The following TPP2 variants were observed in gnomAD, a reference collection of about 807,000 sequenced individuals.
TPP2 encodes the protein tripeptidyl-peptidase 2.
TPP2 carries 34 observed loss-of-function variants against 155.9 expected under a neutral mutation model. The observed-to-expected ratio is 0.22, with a 90% CI of 0.17 to 0.29. TPP2 has a LOEUF of 0.29. TPP2 is among the 10% of genes least tolerant of loss of function. The pLI is 1.00. For synonymous variants in TPP2, 510 were observed against 529.4 expected, an observed-to-expected ratio of 0.96 and a Z score of 0.50; for missense variants, 1,028 against 1,522.3, an observed-to-expected ratio of 0.68 and a Z score of 5.40.
At chr13:102,609,392 C>CTTTTTTTT (rs34845674) in intron 2 of TPP2, among the ~76,000 whole-genome samples, 7 of 79,832 alleles carry the variant, frequency 8.8e-5, no homozygotes, top group Admixed American at 1.5e-4. Context: ...AAGTGCCATG[C>CTTTTTTTT]TTTTTTTTTT....
chr13:102,636,267 C>T lies in TPP2; in HGVS notation c.1553C>T (p.Ala518Val). 1 of 1,613,582 alleles carries T rather than the reference C, an allele frequency of 6.2e-7. No homozygotes were observed. Among genetic ancestry groups the T allele is most frequent in the Non-Finnish European group, 8.5e-7 (1 of 1,179,814 alleles). Residue 518 changes from alanine to valine, a missense_variant, in exon 13 of 30, where the codon GCT becomes GTT. Ala to Val is a moderately conservative substitution (Grantham distance 64). Coordinates refer to ENST00000376052, the MANE Select transcript of TPP2 (RefSeq NM_001330588.2). ...YDYLVQNTSF[A>V]NKLGFTVTVG... ...TACCTCGTTCAGAATACATCATTTG[C>T]TAATAAATTAGGTTTTACTGTTACT...
rs562933507 is a variant in TPP2 at position 102,608,649 on chromosome 13, T to C, written c.294+3728T>C. The stretch of plus-strand genomic sequence containing the variant: ...TCACTGGGAGCATATTTTTGTATCA[T>C]GTATGCAACATTTTATCTCTGAGAT... On this transcript the variant is annotated intron_variant, in intron 2 of 29. Transcript: ENST00000376052. Among the ~76,000 whole-genome samples the C allele has an allele frequency of 1.6e-4, 24 of 152,282 alleles. No individual in the cohort carries two copies. The South Asian group carries it at 3.7e-3, about 24-fold the overall frequency.
intron 1 of TPP2, among the ~76,000 whole-genome samples, chr13:102,599,137 G>A (rs1260916555): frequency 1.3e-5 from 2 of 152,036 alleles, no homozygotes; most frequent in East Asian, 1.9e-4. Flanking sequence ...TGTTGTTCCC[G>A]TCTTTGTGTC....
intron 2 of TPP2, among the ~76,000 whole-genome samples, chr13:102,612,332 A>G (rs761498194): frequency 2.6e-5 from 4 of 152,176 alleles, no homozygotes; most frequent in Non-Finnish European, 5.9e-5. Flanking sequence ...CCGTTAAGAA[A>G]AATGTTTGAT....
intron 5 of TPP2, among the ~76,000 whole-genome samples, chr13:102,619,065 A>T (rs1880957190): frequency 6.6e-6 from 1 of 152,236 alleles, no homozygotes; most frequent in Non-Finnish European, 1.5e-5. Context: ...TCTGATTTAA[A>T]TAAACTTACT....
At chr13:102,609,600 T>C (rs962476456) in intron 2 of TPP2, among the ~76,000 whole-genome samples, 1 of 152,000 alleles carries the variant, frequency 6.6e-6, no homozygotes, top group Admixed American at 6.6e-5. Context: ...TTTCACCATG[T>C]TGGCCAAGCT....
rs769126870 is a variant in TPP2 at position 102,676,349 on chromosome 13, C to T, written c.3633C>T (p.Gly1211=). 3 of 1,610,242 alleles carry T rather than the reference C, an allele frequency of 1.9e-6. No individual in the cohort carries two copies. The highest frequency in any genetic ancestry group is 2.2e-5 in the South Asian group (2 of 90,934). Residue 1211 remains glycine (G), a synonymous_variant, in exon 29 of 30, where the codon GGC becomes GGT. Transcript: ENST00000376052. The stretch of plus-strand genomic sequence containing the variant: ...TAGTAAATAAAATGTATGGGAGAGG[C>T]CTTAAATTTGCAACTAAACTTGTGG... The part of the protein sequence containing the change: ...HALVNKMYGR[G]LKFATKLVEE...
In TPP2 at chr13:102,663,691, C is replaced by T. The variant is rs1884403859; in HGVS notation, c.3187C>T (p.Pro1063Ser). ...DIYNELKETY[P>S]NYLPLYVARL... ...TTATAACGAATTGAAAGAAACATAT[C>T]CTAATTATCTTCCTCTGTACGTTGC... The change falls in exon 26 of 30, where the codon CCT becomes TCT. Residue 1063 changes from proline to serine, a missense_variant. Transcript: ENST00000376052. The T allele has an allele frequency of 6.2e-7, 1 of 1,608,526 alleles. No individual in the cohort carries two copies. Among genetic ancestry groups the T allele is most frequent in the Non-Finnish European group, 8.5e-7 (1 of 1,178,078 alleles).
intron 2 of TPP2, among the ~76,000 whole-genome samples, chr13:102,607,382 A>G (rs1364711220): frequency 2.0e-5 from 3 of 152,200 alleles, no homozygotes; most frequent in African/African-American, 7.2e-5. Context: ...TCAATGGAGC[A>G]TTTCAGATTT....
chr13:102,663,600 C>T (rs1254324244), intron 25 of TPP2, 48 bp from the exon 26 acceptor site: 2 of 1,354,992 alleles, frequency 1.5e-6, no homozygotes, highest in Non-Finnish European at 2.0e-6. Flanking sequence ...GACAAATAGT[C>T]TTTTTAAAAG....
At chr13:102,603,493 A>G (rs1281594291) in intron 1 of TPP2, among the ~76,000 whole-genome samples, 1 of 152,214 alleles carries the variant, frequency 6.6e-6, no homozygotes, top group African/African-American at 2.4e-5. Flanking sequence ...CTGTGGAACA[A>G]CTGAAGAGAT....
intron 16 of TPP2, among the ~76,000 whole-genome samples, chr13:102,641,457 G>A (rs1322744512): frequency 2.6e-5 from 4 of 152,140 alleles, no homozygotes; most frequent in Non-Finnish European, 4.4e-5. Flanking sequence ...AGTAAAAATG[G>A]CTTGTATTTT....
At chr13:102,636,930 G>C (rs1882419575) in intron 13 of TPP2, 152 bp from the exon 14 acceptor site, 1 of 713,454 alleles carries the variant, frequency 1.4e-6, no homozygotes, top group Non-Finnish European at 2.2e-6. Flanking sequence ...TTGTAAGGAA[G>C]ATTATTTGAC....
Position 102,638,223 on chromosome 13 carries a change from C to T in TPP2, c.1837-16C>T, listed in dbSNP as rs775132814. 2.5e-6 allele frequency: 4 copies of T among 1,609,634 alleles called. No homozygotes were observed. The highest frequency in any genetic ancestry group is 2.2e-5 in the East Asian group (1 of 44,848). On this transcript the variant is annotated splice_polypyrimidine_tract_variant and intron_variant, in intron 14 of 29. Transcript: ENST00000376052. ...TTTGTTTATGGATATTGACACTTAC[C>T]GATTCTTTTTTCAAGGTATGTGGCT... is the stretch of plus-strand genomic sequence containing the variant.
intron 28 of TPP2, among the ~76,000 whole-genome samples, 156 bp downstream of exon 28, chr13:102,674,646 C>T (rs549983792): frequency 6.6e-6 from 1 of 152,306 alleles, no homozygotes; most frequent in East Asian, 1.9e-4. Context: ...TCATGTTTGT[C>T]TCACCTTTTT....
At chr13:102,647,044 A>AT (rs1268948768) in intron 20 of TPP2, among the ~76,000 whole-genome samples, 163 bp from the exon 21 acceptor site, 1 of 152,224 alleles carries the variant, frequency 6.6e-6, no homozygotes, top group East Asian at 1.9e-4. Flanking sequence ...AGTGACTTTT[A>AT]TAAGTGCTAA....
chr13:102,599,635 G>C (rs139085495), intron 1 of TPP2, among the ~76,000 whole-genome samples: 16 of 152,310 alleles, frequency 1.1e-4, no homozygotes, highest in Non-Finnish European at 2.2e-4. Flanking sequence ...TTTTGTGACA[G>C]GTCTGTGGGC....
chr13:102,627,052 C>T lies in TPP2; in HGVS notation c.825C>T (p.His275=). The stretch of plus-strand genomic sequence containing the variant: ...ATGTAGCTAGTATAGCTGCTGGACA[C>T]TTTCCAGAAGAACCTGAACGGAATG... The part of the protein sequence containing the change: ...GTHVASIAAG[H]FPEEPERNGV... The change falls in exon 7 of 30, where the codon CAC becomes CAT. Residue 275 remains histidine (H), a synonymous_variant. Transcript: ENST00000376052. The T allele has an allele frequency of 6.3e-7, 1 of 1,598,198 alleles. No individual in the cohort carries two copies.
At position 102,637,153 on chromosome 13, in the gene TPP2, A is replaced by G; in HGVS notation, c.1750A>G (p.Ser584Gly). The change falls in exon 14 of 30, where the codon AGC becomes GGC. Residue 584 changes from serine (S) to glycine (G), a missense_variant. This residue lies in a region of TPP2 where 325 missense variants were observed against 463.7 expected (regional missense o/e 0.70). Coordinates refer to ENST00000376052, the MANE Select transcript of TPP2 (RefSeq NM_001330588.2). ...TSNSSWVQCP[S>G]HLELMNQCRH... ...AAATTCATCTTGGGTTCAGTGTCCCAGCCATTTGGAACTCATGAATCAATG... is the reference window on the plus strand; with the variant it reads ...AAATTCATCTTGGGTTCAGTGTCCCGGCCATTTGGAACTCATGAATCAATG... 1 of 1,613,226 alleles carries G rather than the reference A, an allele frequency of 6.2e-7. No homozygotes were observed. The highest frequency in any genetic ancestry group is 8.5e-7 in the Non-Finnish European group (1 of 1,179,854).
Sources: gnomAD v4.1 joint callset for allele counts (sites outside exome capture counted in the v4.1 genomes callset) on GRCh38, gnomAD v4.1.1 for gene constraint, gnomAD v4.1.1 regional missense constraint, MANE v1.5 for transcripts, NCBI Gene and HGNC (gene_info 2026-07-23, HGNC 2026-07-21) for gene names.